The following ACTR3C variants were observed in gnomAD, a reference collection of about 807,000 sequenced individuals.
The protein encoded by ACTR3C is actin related protein 3C, also known as actin-related protein 3C.
A neutral mutation model predicts 26.3 loss-of-function variants in ACTR3C; 18 were observed. The observed-to-expected ratio is 0.68, with a 90% CI of 0.47 to 1.01. The LOEUF (loss-of-function observed/expected upper bound fraction) is 1.01, where lower values mean the gene tolerates loss of function less well. Ranked by LOEUF, ACTR3C falls within the 50% of genes least tolerant of loss-of-function variation. ACTR3C has a pLI of 0.00. For missense variants in ACTR3C, 184 were observed against 250.7 expected (o/e 0.73, Z 1.80); for synonymous variants, 55 against 94.5 (o/e 0.58, Z 2.42).
the ACTR3C span, among the ~76,000 whole-genome samples, chr7:149,908,065 G>T: frequency 6.6e-6 from 1 of 151,688 alleles, no homozygotes; most frequent in South Asian, 2.1e-4. Context: ...CAATAAGAGT[G>T]GTGGCCTTAT....
At chr7:150,212,220 T>C in the ACTR3C span, among the ~76,000 whole-genome samples, 1 of 147,082 alleles carries the variant, frequency 6.8e-6, no homozygotes. Context: ...TCTATTTCCT[T>C]CATGAGGTAC....
At chr7:150,089,652 C>A in the ACTR3C span, among the ~76,000 whole-genome samples, 1 of 152,192 alleles carries the variant, frequency 6.6e-6, no homozygotes, top group East Asian at 1.9e-4. Flanking sequence ...TATTGGAGAC[C>A]TACGCTAGGT....
At chr7:150,304,472 A>T (rs1160653923) in intron 1 of ACTR3C, among the ~76,000 whole-genome samples, 1 of 152,160 alleles carries the variant, frequency 6.6e-6, no homozygotes, top group African/African-American at 2.4e-5. Context: ...TTTTCCATCA[A>T]CTATCAACAC....
the ACTR3C span, among the ~76,000 whole-genome samples, chr7:149,961,033 T>C: frequency 2.0e-5 from 3 of 150,540 alleles, no homozygotes; most frequent in Non-Finnish European, 1.5e-5. Context: ...TGAGAGAAAG[T>C]GGTACTCACA....
At chr7:150,118,235 G>A in the ACTR3C span, among the ~76,000 whole-genome samples, 4 of 152,056 alleles carry the variant, frequency 2.6e-5, no homozygotes, top group Admixed American at 6.5e-5. Context: ...TGGAGAATGA[G>A]TTTGACAAAT....
the ACTR3C span, among the ~76,000 whole-genome samples, chr7:150,037,485 C>G: frequency 2.2e-5 from 1 of 45,102 alleles, no homozygotes; most frequent in African/African-American, 7.2e-5. Context: ...ATGGGGGTAG[C>G]AACAGCCGGG....
downstream of ACTR3C, chr7:150,247,209 C>T (rs1832510079): frequency 6.6e-6 from 1 of 152,230 alleles, no homozygotes; most frequent in Non-Finnish European, 1.5e-5. Context: ...AACAAACAAA[C>T]AGTGACCTCA....
At chr7:150,140,027 TACACACATACACACTCGC>T in the ACTR3C span, among the ~76,000 whole-genome samples, 11 of 149,492 alleles carry the variant, frequency 7.4e-5, no homozygotes, top group Non-Finnish European at 1.3e-4. Flanking sequence ...CACACACACG[TACACACATACACACTCGC>T]ACACACATGC....
chr7:150,245,300 C>T (rs1011891756), downstream of ACTR3C: 2 of 152,168 alleles, frequency 1.3e-5, no homozygotes, highest in African/African-American at 2.4e-5. Context: ...GGTTATCTTA[C>T]GCTATGGTTG....
chr7:149,946,042 G>A, the ACTR3C span, among the ~76,000 whole-genome samples: 1 of 152,200 alleles, frequency 6.6e-6, no homozygotes, highest in Non-Finnish European at 1.5e-5. Flanking sequence ...TGAATCATGG[G>A]GGGGAAAGCA....
At chr7:150,147,786 G>C in the ACTR3C span, among the ~76,000 whole-genome samples, 7 of 151,588 alleles carry the variant, frequency 4.6e-5, no homozygotes, top group African/African-American at 1.7e-4. Flanking sequence ...TCACAGGAAA[G>C]CCACTCAGGC....
chr7:150,170,202 CT>C, the ACTR3C span, among the ~76,000 whole-genome samples: 1 of 150,220 alleles, frequency 6.7e-6, no homozygotes, highest in South Asian at 2.1e-4. Flanking sequence ...CACATTGTTC[CT>C]TGTCATGTGG....
the ACTR3C span, among the ~76,000 whole-genome samples, chr7:149,884,520 A>G: frequency 6.6e-6 from 1 of 152,172 alleles, no homozygotes; most frequent in African/African-American, 2.4e-5. Flanking sequence ...TTATTAGCTC[A>G]ATTTAGCCAT....
chr7:150,136,405 C>G, the ACTR3C span, among the ~76,000 whole-genome samples: 1 of 152,186 alleles, frequency 6.6e-6, no homozygotes, highest in African/African-American at 2.4e-5. Context: ...CACAGTGGCT[C>G]ACGCCTGTAA....
chr7:150,108,088 G>C, the ACTR3C span, among the ~76,000 whole-genome samples: 3 of 150,078 alleles, frequency 2.0e-5, no homozygotes, highest in South Asian at 2.1e-4. Flanking sequence ...TGATCTGATA[G>C]CAGTGGGTAG....
At chr7:149,995,307 T>C in the ACTR3C span, among the ~76,000 whole-genome samples, 1 of 152,274 alleles carries the variant, frequency 6.6e-6, no homozygotes. Context: ...CACTTTCCCT[T>C]CTAAATGTCC....
the ACTR3C span, among the ~76,000 whole-genome samples, chr7:150,194,498 T>C: frequency 2.7e-5 from 4 of 150,358 alleles, no homozygotes; most frequent in Admixed American, 2.0e-4. Flanking sequence ...TTATAGTTTT[T>C]TCTTTTTTAA....
chr7:149,968,866 T>C, the ACTR3C span, among the ~76,000 whole-genome samples: 1 of 152,108 alleles, frequency 6.6e-6, no homozygotes, highest in African/African-American at 2.4e-5. Context: ...AAGGTAAACC[T>C]CAGAGATGCT....
the ACTR3C span, among the ~76,000 whole-genome samples, chr7:149,966,026 T>C: frequency 3.3e-3 from 505 of 151,866 alleles, no homozygotes; most frequent in African/African-American, 0.012. Flanking sequence ...AAAAACTTAT[T>C]TCTCTATGAG....
Sources: gnomAD v4.1 joint callset for allele counts (sites outside exome capture counted in the v4.1 genomes callset) on GRCh38, gnomAD v4.1.1 for gene constraint, MANE v1.5 for transcripts, NCBI Gene and HGNC (gene_info 2026-07-23, HGNC 2026-07-21) for gene names.